Variants in TRAF3IP1 observed in about 807,000 individuals in gnomAD.
The protein encoded by TRAF3IP1 is intraflagellar transport 54.
In TRAF3IP1, 53 loss-of-function variants were observed where a neutral mutation model predicts 89.9. The observed-to-expected ratio is 0.59, with a 90% CI of 0.47 to 0.74. TRAF3IP1 has a LOEUF of 0.74. Among genes scored for constraint, TRAF3IP1 ranks in the 30% least tolerant of loss-of-function variants. TRAF3IP1 has a pLI of 0.00. For missense variants in TRAF3IP1, 806 were observed against 866.1 expected (o/e 0.93, Z 0.87); for synonymous variants, 311 against 322.1 (o/e 0.97, Z 0.37).
intron 5 of TRAF3IP1, among the ~76,000 whole-genome samples, chr2:238,330,935 C>T (rs758022091): frequency 9.9e-5 from 15 of 152,096 alleles, no homozygotes; most frequent in African/African-American, 1.4e-4. Context: ...AAAGACATTC[C>T]CCATCTTTTG....
In TRAF3IP1 at chr2:238,351,882, T is replaced by TGC. The variant is rs1699186610; in HGVS notation, c.1452-943_1452-942dup. ...GTGTGTGTGTGCGCGCGCGCGCGTGTGCGTGCATGTGCTTGTGTGTATGCG... is the reference window on the plus strand; with the variant it reads ...GTGTGTGTGTGCGCGCGCGCGCGTGTGCGCGTGCATGTGCTTGTGTGTATGCG... On this transcript the variant is annotated intron_variant, in intron 12 of 16. Transcript: ENST00000373327. This position sits in a 1 kb window ranked among gnomAD's most constrained non-coding sequence, Gnocchi z 5.2. 2.7e-5 allele frequency among the ~76,000 whole-genome samples: 4 copies of TGC among 148,774 alleles called. No homozygotes were observed. The highest frequency in any genetic ancestry group is 6.0e-5 in the Non-Finnish European group (4 of 67,076).
chr2:238,322,148 C>G (rs576548868), intron 1 of TRAF3IP1, among the ~76,000 whole-genome samples: 7 of 152,216 alleles, frequency 4.6e-5, no homozygotes, highest in Admixed American at 1.3e-4. Context: ...ACCACCGTCC[C>G]GTGAAGTAGG....
intron 5 of TRAF3IP1, among the ~76,000 whole-genome samples, chr2:238,331,907 G>C (rs1275977164): frequency 6.6e-6 from 1 of 152,194 alleles, no homozygotes; most frequent in Non-Finnish European, 1.5e-5. Flanking sequence ...TTTCTGTCTA[G>C]TAGAGAGGCT....
rs367983519 is a variant in TRAF3IP1 at position 238,382,872 on chromosome 2, G to A, written c.1690-14587G>A. Among the ~76,000 whole-genome samples, 3 of 151,792 alleles carry A rather than the reference G, an allele frequency of 2.0e-5. No individual in the cohort carries two copies. In the East Asian group the frequency reaches 5.8e-4, roughly 29 times the overall value. On this transcript the variant is annotated intron_variant, in intron 15 of 16. Coordinates refer to ENST00000373327, the MANE Select transcript of TRAF3IP1 (RefSeq NM_015650.4). ...CTGGACGGTTGGTCACAAGAGCCTC[G>A]TTGCCTCCTCTCTCTCTCCCCCAAG... is the stretch of plus-strand genomic sequence containing the variant.
At position 238,347,470 on chromosome 2, in the gene TRAF3IP1, A is replaced by C. The variant is rs751411557; in HGVS notation, c.1277A>C (p.Asp426Ala). Reference protein sequence around the residue: ...TEKQKGDSTSDAEGDAGPAGQ... With the variant: ...TEKQKGDSTSAAEGDAGPAGQ... ...TTTTCTTTAGGTGACTCCACCAGTGATGCAGGTGAGGAATGGCCTTAGATA... is the reference window on the plus strand; with the variant it reads ...TTTTCTTTAGGTGACTCCACCAGTGCTGCAGGTGAGGAATGGCCTTAGATA... Residue 426 changes from aspartate to alanine, a missense_variant, in exon 10 of 17, where the codon GAT (aspartate) becomes GCT (alanine). By Grantham distance (126) the Asp-to-Ala change is moderately radical. Transcript: ENST00000373327. 1 of 1,614,010 alleles carries C rather than the reference A, an allele frequency of 6.2e-7. No homozygotes were observed. The highest frequency in any genetic ancestry group is 1.3e-5 in the African/African-American group (1 of 74,914).
At chr2:238,375,551 T>C (rs1700281037) in intron 15 of TRAF3IP1, among the ~76,000 whole-genome samples, 1 of 152,176 alleles carries the variant, frequency 6.6e-6, no homozygotes. Flanking sequence ...TACTACCAAT[T>C]ATGTGGTCAA....
At chr2:238,350,364 G>A (rs897576293) in intron 12 of TRAF3IP1, among the ~76,000 whole-genome samples, 4 of 152,150 alleles carry the variant, frequency 2.6e-5, no homozygotes, top group Admixed American at 2.6e-4. Flanking sequence ...GTGTGGGAAC[G>A]GGCGCGGAGG....
intron 8 of TRAF3IP1, among the ~76,000 whole-genome samples, chr2:238,343,019 G>A (rs2106383868): frequency 6.6e-6 from 1 of 151,890 alleles, no homozygotes; most frequent in Middle Eastern, 3.5e-3. Flanking sequence ...TCCTTTGACT[G>A]AAGCTAGTTT....
chr2:238,380,110 G>A (rs1700482076), intron 15 of TRAF3IP1, among the ~76,000 whole-genome samples: 3 of 152,200 alleles, frequency 2.0e-5, no homozygotes, highest in South Asian at 2.1e-4. Context: ...AGACGTCTAC[G>A]TATTAGAACC....
rs1701377806 is a variant in TRAF3IP1, at chr2:238,399,411, G to A, written c.*492G>A. 6.5e-6 allele frequency: 1 copy of A among 152,708 alleles called. No individual in the cohort carries two copies. The highest frequency in any genetic ancestry group is 2.1e-4 in the South Asian group (1 of 4,854). The allele number at this position is 152,708 out of a possible 1,614,324, so 9.5% of individuals were successfully genotyped here. A position where few individuals can be genotyped will look rare whatever the true frequency, so the allele number is the denominator to read the frequency against. On this transcript the variant is annotated 3_prime_UTR_variant, in exon 17 of 17. Coordinates refer to ENST00000373327, the MANE Select transcript of TRAF3IP1 (RefSeq NM_015650.4). The stretch of plus-strand genomic sequence containing the variant: ...TTATATTTTTAGTTAATTTCCAATG[G>A]AAAGGGCTAACCTCAGCCTGTCTCC...
chr2:238,329,533 T>C (rs958646261), intron 5 of TRAF3IP1, among the ~76,000 whole-genome samples, 191 bp downstream of exon 5: 6 of 152,216 alleles, frequency 3.9e-5, no homozygotes, highest in African/African-American at 1.4e-4. Flanking sequence ...TGTTTTGGGT[T>C]TTTTTGTTCA....
intron 5 of TRAF3IP1, among the ~76,000 whole-genome samples, chr2:238,332,241 C>G (rs1210550173): frequency 6.6e-6 from 1 of 152,180 alleles, no homozygotes; most frequent in Non-Finnish European, 1.5e-5. Context: ...GATAATCATT[C>G]TACTCCTTCT....
intron 15 of TRAF3IP1, among the ~76,000 whole-genome samples, chr2:238,396,874 G>A (rs917024354): frequency 2.0e-5 from 3 of 152,136 alleles, no homozygotes; most frequent in African/African-American, 7.2e-5. Context: ...TCTGCCTGCT[G>A]GGTGCTGCTG....
intron 15 of TRAF3IP1, among the ~76,000 whole-genome samples, chr2:238,394,579 C>T (rs1701131046): frequency 6.6e-6 from 1 of 152,170 alleles, no homozygotes; most frequent in Non-Finnish European, 1.5e-5. Flanking sequence ...ATTGCAGTGT[C>T]CATGTTTTCA....
At chr2:238,337,182 C>T (rs547231044) in intron 7 of TRAF3IP1, among the ~76,000 whole-genome samples, 1 of 152,132 alleles carries the variant, frequency 6.6e-6, no homozygotes, top group Non-Finnish European at 1.5e-5. Context: ...ATAAAGAGAA[C>T]ACAGGGGTAC....
intron 14 of TRAF3IP1, among the ~76,000 whole-genome samples, chr2:238,354,302 A>G (rs1345471362): frequency 1.3e-5 from 2 of 152,158 alleles, no homozygotes; most frequent in Non-Finnish European, 2.9e-5. Flanking sequence ...TCATTTCTCC[A>G]AGGCACCTGG....
chr2:238,326,324 G>A (rs1697831201), intron 3 of TRAF3IP1, among the ~76,000 whole-genome samples: 1 of 152,158 alleles, frequency 6.6e-6, no homozygotes, highest in South Asian at 2.1e-4. Context: ...AGGACAGGTG[G>A]CTGCTTCCAG....
chr2:238,400,886 A>G lies in TRAF3IP1; in HGVS notation c.*1967A>G, dbSNP rs1301865153. The G allele has an allele frequency of 2.0e-5, 3 of 152,224 alleles. No homozygotes were observed. Among genetic ancestry groups the G allele is most frequent in the East Asian group, 1.9e-4 (1 of 5,198 alleles). The allele number at this position is 152,224 out of a possible 1,614,324, so 9.4% of individuals were successfully genotyped here. A position where few individuals can be genotyped will look rare whatever the true frequency, so the allele number is the denominator to read the frequency against. On this transcript the variant is annotated 3_prime_UTR_variant, in exon 17 of 17. Transcript: ENST00000373327. Reference sequence around the variant, plus strand: ...TACGTAAATCATTAAAAATAATCACATATTTTTTCCATAAGTGTATGGATT... The same window carrying G: ...TACGTAAATCATTAAAAATAATCACGTATTTTTTCCATAAGTGTATGGATT...
intron 1 of TRAF3IP1, among the ~76,000 whole-genome samples, chr2:238,322,372 C>CA (rs1376643914): frequency 5.9e-5 from 9 of 152,176 alleles, no homozygotes; most frequent in Admixed American, 5.9e-4. Flanking sequence ...CATAGTTGGT[C>CA]AGAGGAATCC....
Sources: allele counts gnomAD v4.1 joint callset (sites outside exome capture counted in the v4.1 genomes callset), GRCh38; gene constraint gnomAD v4.1.1; non-coding constraint Gnocchi (gnomAD v3.1); transcripts MANE v1.5; gene names NCBI Gene and HGNC (gene_info 2026-07-23, HGNC 2026-07-21).